The following SLC35F4 variants were observed in gnomAD, a reference collection of about 807,000 sequenced individuals.
SLC35F4 encodes solute carrier family 35 member F4.
A neutral mutation model predicts 44.2 loss-of-function variants in SLC35F4; 24 were observed. That is an observed-to-expected ratio of 0.54 (90% CI 0.39 to 0.76). SLC35F4 has a LOEUF of 0.76. Ranked by LOEUF, SLC35F4 falls within the 30% of genes least tolerant of loss-of-function variation. The pLI, the probability that SLC35F4 is intolerant of heterozygous loss-of-function variation, is 0.00. For missense variants in SLC35F4, 562 were observed against 586.1 expected, an observed-to-expected ratio of 0.96 and a Z score of 0.42; for synonymous variants, 238 against 223.6, an observed-to-expected ratio of 1.06 and a Z score of -0.57.
chr14:57,928,747 G>A (rs527966028), intron 1 of SLC35F4, among the ~76,000 whole-genome samples: 2 of 152,324 alleles, frequency 1.3e-5, no homozygotes, highest in East Asian at 3.9e-4. Context: ...AGATGACAGA[G>A]ATGCTAGAAT....
At chr14:57,954,308 C>T (rs568333082) in intron 1 of SLC35F4, among the ~76,000 whole-genome samples, 1 of 152,172 alleles carries the variant, frequency 6.6e-6, no homozygotes, top group Admixed American at 6.5e-5. Context: ...CACTAAATGC[C>T]CACAGGAGAA....
At chr14:57,946,931 T>C (rs1354225523) in intron 1 of SLC35F4, among the ~76,000 whole-genome samples, 2 of 152,076 alleles carry the variant, frequency 1.3e-5, no homozygotes, top group Admixed American at 1.3e-4. Flanking sequence ...TTTGTTTTTG[T>C]TTTTTGCTTA....
intron 1 of SLC35F4, among the ~76,000 whole-genome samples, chr14:57,793,980 A>G (rs529195389): frequency 6.6e-6 from 1 of 152,316 alleles, no homozygotes; most frequent in African/African-American, 2.4e-5. Context: ...GCTATTCAAT[A>G]AATGGTGCTG....
rs959634375 is a variant in SLC35F4 at position 57,701,138 on chromosome 14, A to AT, written c.104-107015dup. On this transcript the variant is annotated intron_variant, in intron 1 of 7. Transcript: ENST00000556826. The stretch of plus-strand genomic sequence containing the variant: ...AGGCGTAAGCCACCATGCCTGGCCT[A>AT]TTTTTTTTTAACTTTTTACATTTTT... 2.5e-4 allele frequency among the ~76,000 whole-genome samples: 38 copies of AT among 150,702 alleles called. No homozygotes were observed. The South Asian group carries it at 4.2e-3, about 17-fold the overall frequency.
At chr14:57,654,085 C>T (rs1474068743) in intron 1 of SLC35F4, among the ~76,000 whole-genome samples, 1 of 152,118 alleles carries the variant, frequency 6.6e-6, no homozygotes, top group Non-Finnish European at 1.5e-5. Context: ...AGTCATATTG[C>T]ATTAGGTACC....
chr14:57,856,792 TTTA>T (rs773987772), intron 1 of SLC35F4, among the ~76,000 whole-genome samples: 112 of 152,224 alleles, frequency 7.4e-4, no homozygotes, highest in Non-Finnish European at 1.2e-3. Flanking sequence ...AGGATAGATA[TTTA>T]TTGCACTTAT....
intron 1 of SLC35F4, among the ~76,000 whole-genome samples, chr14:57,708,389 ACT>A (rs1023550609): frequency 2.0e-5 from 3 of 151,672 alleles, no homozygotes; most frequent in African/African-American, 7.3e-5. Context: ...TAATAATAAA[ACT>A]CTGGTCTCCC....
At chr14:57,646,356 G>A (rs1001381122) in intron 1 of SLC35F4, among the ~76,000 whole-genome samples, 3 of 152,160 alleles carry the variant, frequency 2.0e-5, no homozygotes, top group African/African-American at 7.2e-5. Flanking sequence ...TCTTGGGAGG[G>A]TGTATGTATG....
intron 1 of SLC35F4, among the ~76,000 whole-genome samples, chr14:57,660,296 A>AAAACATAGTATCTGG (rs1328943135): frequency 2.0e-5 from 3 of 152,168 alleles, no homozygotes; most frequent in Non-Finnish European, 4.4e-5. Context: ...ATAAAACAAC[A>AAAACATAGTATCTGG]AAACATAGTA....
At chr14:57,924,947 G>A (rs7148002) in intron 1 of SLC35F4, among the ~76,000 whole-genome samples, 21,125 of 151,844 alleles carry the variant, frequency 0.14, 1,635 homozygotes, top group Middle Eastern at 0.2. Context: ...TAAGAGACAA[G>A]GTATCACTAT....
At chr14:57,753,065 C>T (rs1013170045) in intron 1 of SLC35F4, among the ~76,000 whole-genome samples, 3 of 152,212 alleles carry the variant, frequency 2.0e-5, no homozygotes, top group South Asian at 2.1e-4. Context: ...TGAGAACTGC[C>T]GGGGAGAGAA....
chr14:57,621,901 T>C (rs1043041171), intron 1 of SLC35F4, among the ~76,000 whole-genome samples: 23 of 149,712 alleles, frequency 1.5e-4, no homozygotes, highest in Admixed American at 1.3e-4. Context: ...TGGGAGAAAA[T>C]TTTTGCAACC....
chr14:57,626,934 TCTGAGGTTTTATTTA>T (rs2072507002), intron 1 of SLC35F4, among the ~76,000 whole-genome samples: 1 of 152,104 alleles, frequency 6.6e-6, no homozygotes, highest in Non-Finnish European at 1.5e-5. Context: ...TTACAGAAAA[TCTGAGGTTTTATTTA>T]CTGTATGTGA....
At chr14:57,818,870 C>T (rs1882882293) in intron 1 of SLC35F4, among the ~76,000 whole-genome samples, 1 of 152,164 alleles carries the variant, frequency 6.6e-6, no homozygotes, top group African/African-American at 2.4e-5. Context: ...TCATAGGTTG[C>T]AGCAATTCTG....
intron 1 of SLC35F4, among the ~76,000 whole-genome samples, chr14:57,688,902 TAAAAC>T (rs2075144657): frequency 6.6e-6 from 1 of 152,166 alleles, no homozygotes; most frequent in African/African-American, 2.4e-5. Context: ...TTAACCTGGT[TAAAAC>T]AGTGCTGTGG....
intron 1 of SLC35F4, among the ~76,000 whole-genome samples, chr14:57,863,645 A>T (rs888615885): frequency 2.0e-5 from 3 of 152,208 alleles, no homozygotes; most frequent in Non-Finnish European, 4.4e-5. Flanking sequence ...TACTAGTTGA[A>T]GCCTGCATTA....
chr14:57,942,236 G>T (rs1417795598), intron 1 of SLC35F4, among the ~76,000 whole-genome samples: 4 of 152,232 alleles, frequency 2.6e-5, no homozygotes, highest in Admixed American at 2.6e-4. Context: ...AAAATACAGG[G>T]TTGTAACTTA....
intron 1 of SLC35F4, among the ~76,000 whole-genome samples, chr14:57,685,738 C>T (rs1435704440): frequency 2.0e-5 from 3 of 152,148 alleles, no homozygotes; most frequent in Non-Finnish European, 4.4e-5. Context: ...TGAGTAGGCT[C>T]TTTGCCCCAG....
intron 1 of SLC35F4, among the ~76,000 whole-genome samples, chr14:57,712,345 A>G (rs2075835826): frequency 6.6e-6 from 1 of 152,226 alleles, no homozygotes; most frequent in South Asian, 2.1e-4. Flanking sequence ...GTCGTTTCAA[A>G]TTAGTGATTC....
Sources: allele counts gnomAD v4.1 joint callset (sites outside exome capture counted in the v4.1 genomes callset), GRCh38; gene constraint gnomAD v4.1.1; transcripts MANE v1.5; gene names NCBI Gene and HGNC (gene_info 2026-07-23, HGNC 2026-07-21).